PHYHIPL: variants seen among roughly 807,000 people sequenced by gnomAD.
PHYHIPL encodes the protein phytanoyl-CoA hydroxylase-interacting protein-like.
In PHYHIPL, 9 loss-of-function variants were observed where a neutral mutation model predicts 33.4. That is an observed-to-expected ratio of 0.27 (90% CI 0.16 to 0.47). The LOEUF (loss-of-function observed/expected upper bound fraction) is 0.47, where lower values mean the gene tolerates loss of function less well. Ranked by LOEUF, PHYHIPL falls within the 20% of genes least tolerant of loss-of-function variation. The probability of loss-of-function intolerance (pLI) is 0.99; values close to 1 mark genes in which losing one functional copy is unlikely to be tolerated. For missense variants in PHYHIPL, 365 were observed against 460.7 expected, an observed-to-expected ratio of 0.79 and a Z score of 1.90; for synonymous variants, 153 against 154.1, an observed-to-expected ratio of 0.99 and a Z score of 0.05.
intron 1 of PHYHIPL, among the ~76,000 whole-genome samples, chr10:59,195,599 T>C (rs1838890104): frequency 6.6e-6 from 1 of 152,104 alleles, no homozygotes; most frequent in Non-Finnish European, 1.5e-5. Context: ...CCAGTGAAGG[T>C]CTTATGACCT....
At chr10:59,197,097 C>G (rs572809241) in intron 1 of PHYHIPL, among the ~76,000 whole-genome samples, 3 of 152,278 alleles carry the variant, frequency 2.0e-5, no homozygotes, top group East Asian at 3.9e-4. Flanking sequence ...TATGATAGTC[C>G]TGTTTTCCAA....
rs1239802548 is a variant in PHYHIPL, at chr10:59,247,362, A to C, written c.*1771A>C. 1.3e-5 allele frequency: 6 copies of C among 458,164 alleles called. No individual in the cohort carries two copies. Among genetic ancestry groups the C allele is most frequent in the African/African-American group, 1.0e-4 (5 of 48,870 alleles). The allele number at this position is 458,164 out of a possible 1,614,324, so 28.4% of individuals were successfully genotyped here. A position where few individuals can be genotyped will look rare whatever the true frequency, so the allele number is the denominator to read the frequency against. ...ATTTTTAAAAATACTTGTATTGACTATGAGTTTTCTGCTTGGCATGGAGGA... is the reference window on the plus strand; with the variant it reads ...ATTTTTAAAAATACTTGTATTGACTCTGAGTTTTCTGCTTGGCATGGAGGA... On this transcript the variant is annotated 3_prime_UTR_variant, in exon 5 of 5. Coordinates refer to ENST00000373880, the MANE Select transcript of PHYHIPL (RefSeq NM_032439.4).
At chr10:59,232,335 A>G (rs1200624947) in intron 1 of PHYHIPL, among the ~76,000 whole-genome samples, 1 of 152,032 alleles carries the variant, frequency 6.6e-6, no homozygotes, top group Non-Finnish European at 1.5e-5. Flanking sequence ...GAGTAGCTTG[A>G]AAATGAAGAT....
At chr10:59,186,954 T>G (rs1193841840) in intron 1 of PHYHIPL, among the ~76,000 whole-genome samples, 1 of 152,188 alleles carries the variant, frequency 6.6e-6, no homozygotes, top group African/African-American at 2.4e-5. Flanking sequence ...ATGCAGTTTA[T>G]TTCCTTCTCC....
intron 1 of PHYHIPL, among the ~76,000 whole-genome samples, chr10:59,178,507 T>C (rs1281123538): frequency 1.3e-5 from 2 of 152,158 alleles, no homozygotes; most frequent in Non-Finnish European, 2.9e-5. Context: ...AATGTAACCA[T>C]TGCAAGTTGT....
chr10:59,211,587 G>A (rs1408953406), intron 1 of PHYHIPL, among the ~76,000 whole-genome samples: 1 of 146,944 alleles, frequency 6.8e-6, no homozygotes, highest in Non-Finnish European at 1.5e-5. Context: ...TGTTGGTCAG[G>A]CTGGTCTAGA....
At chr10:59,214,083 A>G (rs2133244758) in intron 1 of PHYHIPL, among the ~76,000 whole-genome samples, 1 of 152,282 alleles carries the variant, frequency 6.6e-6, no homozygotes, top group Non-Finnish European at 1.5e-5. Context: ...ATAGCCATCT[A>G]GAGAAAAAAA....
At chr10:59,238,212 A>G (rs999055855) in intron 3 of PHYHIPL, among the ~76,000 whole-genome samples, 3 of 151,972 alleles carry the variant, frequency 2.0e-5, no homozygotes, top group African/African-American at 7.2e-5. Flanking sequence ...CAACTTTTCT[A>G]TTGATTGCAG....
chr10:59,207,172 T>G lies in PHYHIPL; in HGVS notation c.107-27132T>G, dbSNP rs1380090970. On this transcript the variant is annotated intron_variant, in intron 1 of 4. Transcript: ENST00000373880. ...CATAGGAACAGCTCCAGTCTGCAGC[T>G]CCCAGTGAGATCAACACAGAAGGTG... Among the ~76,000 whole-genome samples the G allele has an allele frequency of 2.7e-5, 4 of 149,638 alleles. No homozygotes were observed. The South Asian group carries it at 6.4e-4, about 24-fold the overall frequency.
chr10:59,213,167 TA>T lies in PHYHIPL; in HGVS notation c.107-21126del, dbSNP rs201028769. On this transcript the variant is annotated intron_variant, in intron 1 of 4. Coordinates refer to ENST00000373880, the MANE Select transcript of PHYHIPL (RefSeq NM_032439.4). ...ATATATTTGGATAAAAGGGCTTTCT[TA>T]AAAAAAAAAATCTAATCTCATTTTC... Among the ~76,000 whole-genome samples the T allele has an allele frequency of 2.3e-4, 34 of 149,160 alleles. No homozygotes were observed. The Middle Eastern group carries it at 0.01, about 46-fold the overall frequency.
At chr10:59,177,535 C>G in intron 1 of PHYHIPL, 1 of 1,551,628 alleles carries the variant, frequency 6.4e-7, no homozygotes, top group African/African-American at 1.4e-5. Flanking sequence ...AGGACAGACA[C>G]AATCTTCATG....
At chr10:59,188,547 T>C (rs572961800) in intron 1 of PHYHIPL, among the ~76,000 whole-genome samples, 1 of 152,278 alleles carries the variant, frequency 6.6e-6, no homozygotes, top group Admixed American at 6.5e-5. Flanking sequence ...CATTGATCTG[T>C]CTAATGTTGA....
chr10:59,226,826 A>G (rs1839940057), intron 1 of PHYHIPL, among the ~76,000 whole-genome samples: 1 of 152,174 alleles, frequency 6.6e-6, no homozygotes, highest in Non-Finnish European at 1.5e-5. Context: ...CTTCCAAATT[A>G]CGGTAGAAAA....
At position 59,245,682 on chromosome 10, in the gene PHYHIPL, C is replaced by G; in HGVS notation, c.*91C>G. Reference sequence around the variant, plus strand: ...CATTTTTATCACCAGATGTTTTCCACTGAAGCATGCACATGCCACTGTCAC... The same window carrying G: ...CATTTTTATCACCAGATGTTTTCCAGTGAAGCATGCACATGCCACTGTCAC... On this transcript the variant is annotated 3_prime_UTR_variant, in exon 5 of 5. Coordinates refer to ENST00000373880, the MANE Select transcript of PHYHIPL (RefSeq NM_032439.4). The G allele has an allele frequency of 1.5e-6, 2 of 1,361,906 alleles. No homozygotes were observed. The highest frequency in any genetic ancestry group is 2.0e-6 in the Non-Finnish European group (2 of 1,005,556). The allele number at this position is 1,361,906 out of a possible 1,614,324, so 84.4% of individuals were successfully genotyped here.
At chr10:59,193,410 C>G (rs1838831990) in intron 1 of PHYHIPL, among the ~76,000 whole-genome samples, 1 of 152,094 alleles carries the variant, frequency 6.6e-6, no homozygotes, top group South Asian at 2.1e-4. Context: ...AAATACAGTG[C>G]ATAAAATAAA....
intron 1 of PHYHIPL, among the ~76,000 whole-genome samples, chr10:59,199,195 A>C (rs1345864161): frequency 1.3e-5 from 2 of 152,198 alleles, no homozygotes; most frequent in Non-Finnish European, 2.9e-5. Flanking sequence ...TTTAGGTCTA[A>C]CATTTAAGTC....
intron 1 of PHYHIPL, among the ~76,000 whole-genome samples, chr10:59,201,470 A>G (rs1436562788): frequency 1.3e-5 from 2 of 152,186 alleles, no homozygotes; most frequent in Non-Finnish European, 2.9e-5. Context: ...AGAGAGCTTT[A>G]CTTCCAACTA....
chr10:59,207,357 C>T (rs1175965056), intron 1 of PHYHIPL, among the ~76,000 whole-genome samples: 2 of 152,174 alleles, frequency 1.3e-5, no homozygotes, highest in Non-Finnish European at 2.9e-5. Context: ...CCAAAGGAAG[C>T]CATGAGGGAC....
chr10:59,242,079 T>G (rs1840418381), intron 4 of PHYHIPL, among the ~76,000 whole-genome samples: 1 of 152,116 alleles, frequency 6.6e-6, no homozygotes, highest in Non-Finnish European at 1.5e-5. Flanking sequence ...ACCTCTATCC[T>G]CTCACATCTG....
Sources: allele counts gnomAD v4.1 joint callset (sites outside exome capture counted in the v4.1 genomes callset), GRCh38; gene constraint gnomAD v4.1.1; transcripts MANE v1.5; gene names NCBI Gene and HGNC (gene_info 2026-07-23, HGNC 2026-07-21).